The following ATP9A variants were observed in gnomAD, a reference collection of about 807,000 sequenced individuals.
ATP9A encodes the protein ATPase phospholipid transporting 9A.
ATP9A carries 52 observed loss-of-function variants against 144.1 expected under a neutral mutation model. That is an observed-to-expected ratio of 0.36 (90% confidence interval 0.29 to 0.45). The LOEUF (loss-of-function observed/expected upper bound fraction) is 0.45, where lower values mean the gene tolerates loss of function less well. ATP9A is among the 20% of genes least tolerant of loss of function. The pLI is 1.00. For synonymous variants in ATP9A, 582 were observed against 557.4 expected (o/e 1.04, Z -0.62); for missense variants, 947 against 1,392.7 (o/e 0.68, Z 5.09).
chr20:51,642,764 A>G (rs1038266322), intron 14 of ATP9A, among the ~76,000 whole-genome samples: 2 of 138,364 alleles, frequency 1.4e-5, no homozygotes, highest in African/African-American at 2.7e-5. Flanking sequence ...AAAAAAAAAA[A>G]CCTGGCGTTC....
At chr20:51,613,100 T>C (rs1469376211) in intron 23 of ATP9A, among the ~76,000 whole-genome samples, 3 of 152,150 alleles carry the variant, frequency 2.0e-5, no homozygotes, top group African/African-American at 7.2e-5. Context: ...ATCCGTAAAA[T>C]GGGCTCAGGC....
chr20:51,751,297 C>T (rs2077831060), intron 1 of ATP9A, among the ~76,000 whole-genome samples: 1 of 147,766 alleles, frequency 6.8e-6, no homozygotes, highest in Non-Finnish European at 1.5e-5. Flanking sequence ...CGTCACACTC[C>T]ATCCCATGCT....
intron 2 of ATP9A, among the ~76,000 whole-genome samples, chr20:51,729,234 C>A (rs2077729053): frequency 6.6e-6 from 1 of 152,080 alleles, no homozygotes; most frequent in Non-Finnish European, 1.5e-5. Flanking sequence ...CCCAGAATGT[C>A]TTTTTCATTC....
chr20:51,669,535 G>C (rs1038404316), intron 13 of ATP9A, among the ~76,000 whole-genome samples: 1 of 152,128 alleles, frequency 6.6e-6, no homozygotes, highest in African/African-American at 2.4e-5. Flanking sequence ...TTGGTGCTCC[G>C]GGTCATAGCC....
chr20:51,743,956 G>A (rs1441945894), intron 1 of ATP9A, among the ~76,000 whole-genome samples: 3 of 150,750 alleles, frequency 2.0e-5, no homozygotes, highest in Non-Finnish European at 4.4e-5. Context: ...GCAGTAAGCC[G>A]AGATTCTGGC....
intron 1 of ATP9A, among the ~76,000 whole-genome samples, chr20:51,746,993 G>A (rs553182050): frequency 1.9e-4 from 29 of 152,038 alleles, no homozygotes; most frequent in Non-Finnish European, 2.1e-4. Context: ...GCAACAGAGC[G>A]AGACTCCGTC....
At chr20:51,743,359 A>G (rs528774560) in intron 1 of ATP9A, among the ~76,000 whole-genome samples, 2 of 147,586 alleles carry the variant, frequency 1.4e-5, no homozygotes, top group Non-Finnish European at 3.0e-5. Flanking sequence ...CCCACATTCC[A>G]GACAGGCTGG....
At position 51,755,066 on chromosome 20, in the gene ATP9A, C is replaced by T. The variant is rs1338307941; in HGVS notation, c.68+13236G>A. On this transcript the variant is annotated intron_variant, in intron 1 of 27. Coordinates refer to ENST00000338821, the MANE Select transcript of ATP9A (RefSeq NM_006045.3). ...CCAGGAGCCGGAGGCTGCAGTGAGC[C>T]GAGACTGCACCACTGCACTCCAGCC... 2.6e-5 allele frequency among the ~76,000 whole-genome samples: 4 copies of T among 152,070 alleles called. No homozygotes were observed. The East Asian group carries it at 5.8e-4, about 22-fold the overall frequency.
intron 10 of ATP9A, among the ~76,000 whole-genome samples, chr20:51,675,009 G>A (rs7265465): frequency 0.26 from 40,064 of 151,860 alleles, 6,169 homozygotes; most frequent in African/African-American, 0.42. Context: ...ACGGAGTTTC[G>A]CCATGTTGGC....
rs1308012304 is a variant in ATP9A, at chr20:51,661,477, C to G, written c.1294-4327G>C. On this transcript the variant is annotated intron_variant, in intron 13 of 27. Coordinates refer to ENST00000338821, the MANE Select transcript of ATP9A (RefSeq NM_006045.3). ...CTTCTGGGCTCAAGTAATCCTCCCA[C>G]CTCAGCCTTCTGAATACCGGGACCA... Among the ~76,000 whole-genome samples the G allele has an allele frequency of 4.0e-5, 6 of 151,634 alleles. No homozygotes were observed. In the South Asian group the frequency reaches 6.3e-4, roughly 16 times the overall value.
At chr20:51,709,488 C>T (rs1007696665) in intron 4 of ATP9A, among the ~76,000 whole-genome samples, 1 of 152,122 alleles carries the variant, frequency 6.6e-6, no homozygotes, top group Non-Finnish European at 1.5e-5. Context: ...GCATTCCAGC[C>T]TGCGCGAGGG....
intron 14 of ATP9A, among the ~76,000 whole-genome samples, chr20:51,644,028 G>T (rs918874217): frequency 6.6e-6 from 1 of 152,008 alleles, no homozygotes; most frequent in African/African-American, 2.4e-5. Flanking sequence ...CCAGCTACTC[G>T]GGAGTCTAAG....
At chr20:51,601,646 C>A (rs2077143636) in intron 27 of ATP9A, among the ~76,000 whole-genome samples, 1 of 152,190 alleles carries the variant, frequency 6.6e-6, no homozygotes, top group Admixed American at 6.5e-5. Context: ...GTGGCTCATG[C>A]CTTAATCCCA....
intron 11 of ATP9A, among the ~76,000 whole-genome samples, chr20:51,673,644 A>G (rs6096524): frequency 0.24 from 37,221 of 152,068 alleles, 4,931 homozygotes; most frequent in Non-Finnish European, 0.28. Context: ...AAGATCTCTG[A>G]TTCAAGAAAG....
chr20:51,709,933 A>G (rs1325363702), intron 4 of ATP9A, among the ~76,000 whole-genome samples: 2 of 152,182 alleles, frequency 1.3e-5, no homozygotes, highest in African/African-American at 4.8e-5. Flanking sequence ...ACCATGGTCT[A>G]TAATCTAGTG....
chr20:51,650,199 A>G (rs896772361), intron 14 of ATP9A, among the ~76,000 whole-genome samples: 5 of 152,180 alleles, frequency 3.3e-5, no homozygotes, highest in Non-Finnish European at 7.3e-5. Context: ...GCAAAGTGTA[A>G]AGCTGCATCT....
At chr20:51,706,218 A>C (rs535542086) in intron 4 of ATP9A, among the ~76,000 whole-genome samples, 1 of 152,350 alleles carries the variant, frequency 6.6e-6, no homozygotes, top group African/African-American at 2.4e-5. Context: ...TATTATATGC[A>C]AAAGTGCTGA....
chr20:51,722,519 A>G (rs1230310560), intron 3 of ATP9A, among the ~76,000 whole-genome samples: 2 of 152,238 alleles, frequency 1.3e-5, no homozygotes, highest in Non-Finnish European at 2.9e-5. Flanking sequence ...AATCCCATCA[A>G]TAAGTGGACT....
chr20:51,695,400 T>G (rs1050990788), intron 6 of ATP9A, among the ~76,000 whole-genome samples: 26 of 147,734 alleles, frequency 1.8e-4, no homozygotes, highest in African/African-American at 5.5e-4. Flanking sequence ...GAGGCAGAGG[T>G]TGAGGTAAGC....
Sources: gnomAD v4.1 joint callset for allele counts (sites outside exome capture counted in the v4.1 genomes callset) on GRCh38, gnomAD v4.1.1 for gene constraint, MANE v1.5 for transcripts, NCBI Gene and HGNC (gene_info 2026-07-23, HGNC 2026-07-21) for gene names.